Variants in RNF217 observed in about 807,000 individuals in gnomAD.
RNF217 encodes the protein ring finger protein 217, also known as E3 ubiquitin-protein ligase RNF217.
In RNF217, 31 loss-of-function variants were observed where a neutral mutation model predicts 57.8. That is an observed-to-expected ratio of 0.54 (90% CI 0.40 to 0.72). The LOEUF (loss-of-function observed/expected upper bound fraction) is 0.72. RNF217 is among the 30% of genes least tolerant of loss of function. The pLI is 0.00. For synonymous variants in RNF217, 313 were observed against 294.0 expected (o/e 1.06, Z -0.66); for missense variants, 696 against 708.3 (o/e 0.98, Z 0.20).
At chr6:125,029,963 G>A (rs1786278642) in intron 1 of RNF217, among the ~76,000 whole-genome samples, 1 of 152,018 alleles carries the variant, frequency 6.6e-6, no homozygotes, top group African/African-American at 2.4e-5. Context: ...CCTGAGACTG[G>A]GAAGAAAAAG....
Position 125,057,922 on chromosome 6 carries a change from A to G in RNF217, c.1117-20A>G, listed in dbSNP as rs374720538. The stretch of plus-strand genomic sequence containing the variant: ...TTCAGTATATCCACTAGTAATTAAT[A>G]TGATTTTTTTCTTACACAGATCCAG... On this transcript the variant is annotated intron_variant, in intron 2 of 5. Transcript: ENST00000521654. The G allele has an allele frequency of 5.1e-6, 8 of 1,578,854 alleles. No individual in the cohort carries two copies. Among genetic ancestry groups the G allele is most frequent in the Non-Finnish European group, 6.0e-6 (7 of 1,160,624 alleles).
chr6:125,060,029 A>C (rs1339524622), intron 3 of RNF217, among the ~76,000 whole-genome samples: 1 of 152,122 alleles, frequency 6.6e-6, no homozygotes, highest in East Asian at 1.9e-4. Context: ...TCTTTTAAGC[A>C]TGACTTTAAA....
rs184461254 is a variant in RNF217 at position 124,970,273 on chromosome 6, G to C, written c.882+6847G>C. 3.9e-5 allele frequency among the ~76,000 whole-genome samples: 6 copies of C among 152,324 alleles called. No individual in the cohort carries two copies. In the East Asian group the frequency reaches 1.2e-3, roughly 29 times the overall value. Reference sequence around the variant, plus strand: ...GTCAAGAGTGGAAGTAAAAAGATCAGTTAGAAGACTATGGAATAAATCAAA... The same window carrying C: ...GTCAAGAGTGGAAGTAAAAAGATCACTTAGAAGACTATGGAATAAATCAAA... On this transcript the variant is annotated intron_variant, in intron 1 of 5. Coordinates refer to ENST00000521654, the MANE Select transcript of RNF217 (RefSeq NM_001286398.3).
In RNF217 at chr6:125,089,925, T is replaced by C. The variant is rs983254703; in HGVS notation, c.*6988T>C. On this transcript the variant is annotated 3_prime_UTR_variant, in exon 6 of 6. Coordinates refer to ENST00000521654, the MANE Select transcript of RNF217 (RefSeq NM_001286398.3). The stretch of plus-strand genomic sequence containing the variant: ...AAATTTTTGATATAAATATCTAAAT[T>C]CTTTCATTTTATAGAAAATTAGCAT... 5.3e-5 allele frequency: 8 copies of C among 152,184 alleles called. No individual in the cohort carries two copies. The highest frequency in any genetic ancestry group is 1.7e-4 in the African/African-American group (7 of 41,450). The allele number at this position is 152,184 out of a possible 1,614,324, so 9.4% of individuals were successfully genotyped here.
intron 1 of RNF217, among the ~76,000 whole-genome samples, chr6:125,033,099 CT>C (rs886386210): frequency 2.0e-5 from 3 of 149,158 alleles, no homozygotes; most frequent in African/African-American, 7.4e-5. Flanking sequence ...GACTATTTTT[CT>C]TTTTTTTTCT....
At chr6:125,018,794 C>G (rs1582714572) in intron 1 of RNF217, among the ~76,000 whole-genome samples, 1 of 152,094 alleles carries the variant, frequency 6.6e-6, no homozygotes, top group African/African-American at 2.4e-5. Context: ...TAGGTGACTA[C>G]CCCTCTCCCA....
rs1171315055 is a variant in RNF217 at position 125,091,230 on chromosome 6, A to G, written c.*8293A>G. On this transcript the variant is annotated 3_prime_UTR_variant, in exon 6 of 6. Transcript: ENST00000521654. Reference sequence around the variant, plus strand: ...AATAAAAGCCAGGGAAACTGGGTTTATTCTCATTTTCCAATAGCACTAATG... The same window carrying G: ...AATAAAAGCCAGGGAAACTGGGTTTGTTCTCATTTTCCAATAGCACTAATG... The G allele has an allele frequency of 1.3e-5, 2 of 152,102 alleles. No homozygotes were observed. The highest frequency in any genetic ancestry group is 2.4e-5 in the African/African-American group (1 of 41,452). 9.4% of individuals were successfully genotyped at this position (152,102 alleles called of 1,614,324 possible). A position where few individuals can be genotyped will look rare whatever the true frequency, so the allele number is the denominator to read the frequency against.
rs187150524 is a variant in RNF217 at position 125,076,649 on chromosome 6, T to C, written c.1282-8T>C. 1 of 1,601,142 alleles carries C rather than the reference T, an allele frequency of 6.2e-7. No homozygotes were observed. The highest frequency in any genetic ancestry group is 8.6e-7 in the Non-Finnish European group (1 of 1,168,466). ...CTTTCCTTCTCCTTCCCTCTCTTGC[T>C]GATACAGATCCACATCCAGCGAACT... On this transcript the variant is annotated splice_region_variant and splice_polypyrimidine_tract_variant and intron_variant, in intron 3 of 5. Transcript: ENST00000521654.
At chr6:125,033,664 T>A (rs964187964) in intron 1 of RNF217, among the ~76,000 whole-genome samples, 2 of 151,530 alleles carry the variant, frequency 1.3e-5, no homozygotes, top group South Asian at 2.1e-4. Flanking sequence ...TATGTGTGCA[T>A]GTGTCTTTAT....
chr6:125,073,455 A>G (rs1433863717), intron 3 of RNF217, among the ~76,000 whole-genome samples: 1 of 152,198 alleles, frequency 6.6e-6, no homozygotes, highest in Admixed American at 6.5e-5. Context: ...TGCTTAAAGA[A>G]GGATTCTCAA....
intron 1 of RNF217, among the ~76,000 whole-genome samples, chr6:125,033,022 T>G (rs1340031090): frequency 2.6e-5 from 4 of 152,180 alleles, no homozygotes; most frequent in Non-Finnish European, 5.9e-5. Context: ...CTTATGAAGT[T>G]GAATACATTT....
intron 4 of RNF217, among the ~76,000 whole-genome samples, chr6:125,078,949 CAG>C (rs1231321622): frequency 2.0e-5 from 3 of 152,166 alleles, no homozygotes; most frequent in African/African-American, 4.8e-5. Flanking sequence ...CCTGCCATTT[CAG>C]AGAGAAGATG....
intron 1 of RNF217, among the ~76,000 whole-genome samples, chr6:125,024,317 T>G (rs1364441562): frequency 3.3e-5 from 5 of 150,996 alleles, no homozygotes; most frequent in South Asian, 2.1e-4. Flanking sequence ...GCACGGTGGC[T>G]CACGCCTGTA....
At chr6:125,078,042 T>C (rs900517929) in intron 4 of RNF217, among the ~76,000 whole-genome samples, 1 of 152,212 alleles carries the variant, frequency 6.6e-6, no homozygotes, top group African/African-American at 2.4e-5. Context: ...AAAAATATTC[T>C]TCCTGAGGTT....
chr6:124,976,444 A>G (rs57288886), intron 1 of RNF217, among the ~76,000 whole-genome samples: 2,268 of 143,462 alleles, frequency 0.016, 53 homozygotes, highest in African/African-American at 0.054. Context: ...AATTTTTTGT[A>G]TTTTTAGTAG....
intron 1 of RNF217, among the ~76,000 whole-genome samples, chr6:124,995,455 C>T (rs1784712881): frequency 6.6e-6 from 1 of 152,138 alleles, no homozygotes; most frequent in African/African-American, 2.4e-5. Flanking sequence ...CATTTTTAAT[C>T]ACTTTTATAA....
chr6:125,036,085 C>T (rs992794643), intron 1 of RNF217, among the ~76,000 whole-genome samples: 18 of 151,904 alleles, frequency 1.2e-4, no homozygotes, highest in African/African-American at 4.4e-4. Context: ...TTGCCCCCTA[C>T]CCCCTGACAG....
Position 124,962,761 on chromosome 6 carries a change from C to T in RNF217, c.217C>T (p.Leu73=), listed in dbSNP as rs1299095256. 1.3e-6 allele frequency: 2 copies of T among 1,592,846 alleles called. No homozygotes were observed. The highest frequency in any genetic ancestry group is 1.7e-6 in the Non-Finnish European group (2 of 1,178,086). ...DTSAPEPARS[L]GPPGWSKSRA... Reference sequence around the variant, plus strand: ...CAGCGCCCCAGAGCCCGCGAGGAGCCTGGGGCCCCCGGGCTGGAGTAAGAG... The same window carrying T: ...CAGCGCCCCAGAGCCCGCGAGGAGCTTGGGGCCCCCGGGCTGGAGTAAGAG... The change falls in exon 1 of 6, where the codon CTG becomes TTG. Residue 73 remains leucine (L), a synonymous_variant. Transcript: ENST00000521654. The surrounding 1 kb of genome is among the most constrained non-coding windows in gnomAD (Gnocchi z 4.6).
rs942458505 is a variant in RNF217 at position 125,090,445 on chromosome 6, G to A, written c.*7508G>A. The A allele has an allele frequency of 2.0e-5, 3 of 151,848 alleles. No individual in the cohort carries two copies. The highest frequency in any genetic ancestry group is 4.4e-5 in the Non-Finnish European group (3 of 67,848). The allele number at this position is 151,848 out of a possible 1,614,324, so 9.4% of individuals were successfully genotyped here. A position where few individuals can be genotyped will look rare whatever the true frequency, so the allele number is the denominator to read the frequency against. ...ATCAATGTATATCTATTTCAAAACTGTGGGACAATTATTCATTCTTTTCCC... is the reference window on the plus strand; with the variant it reads ...ATCAATGTATATCTATTTCAAAACTATGGGACAATTATTCATTCTTTTCCC... On this transcript the variant is annotated 3_prime_UTR_variant, in exon 6 of 6. Transcript: ENST00000521654.
Sources: allele counts gnomAD v4.1 joint callset (sites outside exome capture counted in the v4.1 genomes callset), GRCh38; gene constraint gnomAD v4.1.1; non-coding constraint Gnocchi (gnomAD v3.1); transcripts MANE v1.5; gene names NCBI Gene and HGNC (gene_info 2026-07-23, HGNC 2026-07-21).